FSTL5: variants seen among roughly 807,000 people sequenced by gnomAD.
FSTL5 encodes the protein follistatin like 5.
Under a neutral mutation model 89.1 loss-of-function variants are expected in FSTL5, and 62 were observed. The observed-to-expected ratio is 0.70, with a 90% CI of 0.57 to 0.86. The LOEUF is 0.86. Ranked by LOEUF, FSTL5 falls within the 40% of genes least tolerant of loss-of-function variation. The pLI is 0.00. For synonymous variants in FSTL5, 383 were observed against 346.2 expected, an observed-to-expected ratio of 1.11 and a Z score of -1.18; for missense variants, 1,057 against 1,001.6, an observed-to-expected ratio of 1.06 and a Z score of -0.75.
At chr4:162,138,804 C>G (rs1732614531) in intron 1 of FSTL5, among the ~76,000 whole-genome samples, 1 of 151,978 alleles carries the variant, frequency 6.6e-6, no homozygotes. Flanking sequence ...TGACATGCAA[C>G]ACAAAATCGA....
At chr4:161,962,640 A>G (rs1355562060) in intron 3 of FSTL5, among the ~76,000 whole-genome samples, 1 of 151,724 alleles carries the variant, frequency 6.6e-6, no homozygotes, top group Non-Finnish European at 1.5e-5. Context: ...TACTATCTTT[A>G]GTGTTGATCT....
chr4:162,150,019 G>C (rs996691183), intron 1 of FSTL5, among the ~76,000 whole-genome samples: 2 of 151,884 alleles, frequency 1.3e-5, no homozygotes, highest in African/African-American at 4.8e-5. Context: ...GGTGCTTTTG[G>C]TTTTTGCTAA....
chr4:161,712,666 C>T (rs1022552764), intron 6 of FSTL5, among the ~76,000 whole-genome samples: 13 of 152,088 alleles, frequency 8.5e-5, no homozygotes, highest in South Asian at 2.1e-4. Flanking sequence ...GTTTGGCTCA[C>T]GGGGGCAGGT....
intron 2 of FSTL5, among the ~76,000 whole-genome samples, chr4:162,045,613 A>G (rs76520547): frequency 0.07 from 10,686 of 152,248 alleles, 498 homozygotes; most frequent in East Asian, 0.16. Context: ...AAAATGTGAC[A>G]CAGTGATATA....
chr4:161,735,233 T>C (rs1363246560), intron 6 of FSTL5, among the ~76,000 whole-genome samples: 2 of 152,178 alleles, frequency 1.3e-5, no homozygotes, highest in Non-Finnish European at 2.9e-5. Flanking sequence ...GATGAAGAGA[T>C]GCATAGGGTG....
At chr4:161,784,891 T>TTAAAAA (rs79037484) in intron 4 of FSTL5, among the ~76,000 whole-genome samples, 1 of 864 alleles carries the variant, frequency 1.2e-3, no homozygotes, top group Non-Finnish European at 4.5e-3. Flanking sequence ...AGACTCCGTC[T>TTAAAAA]CAAAAAAAAC....
chr4:161,803,805 G>T (rs181749781), intron 4 of FSTL5, among the ~76,000 whole-genome samples: 161 of 152,144 alleles, frequency 1.1e-3, no homozygotes, highest in African/African-American at 3.2e-3. Context: ...TGTATTATCT[G>T]ATAGTTTCTC....
chr4:161,726,528 A>T (rs1739422460), intron 6 of FSTL5, among the ~76,000 whole-genome samples: 1 of 152,110 alleles, frequency 6.6e-6, no homozygotes, highest in Non-Finnish European at 1.5e-5. Flanking sequence ...GCGCCTGGAC[A>T]GGATGCAACT....
intron 4 of FSTL5, among the ~76,000 whole-genome samples, chr4:161,781,989 C>A (rs941323132): frequency 2.0e-5 from 3 of 152,228 alleles, no homozygotes; most frequent in Non-Finnish European, 4.4e-5. Flanking sequence ...TGGAATCATA[C>A]AGCATGTAGA....
chr4:161,785,269 T>G (rs922387850), intron 4 of FSTL5, among the ~76,000 whole-genome samples: 85 of 152,186 alleles, frequency 5.6e-4, no homozygotes, highest in African/African-American at 2.0e-3. Flanking sequence ...TTTACTGTTA[T>G]TTTTTCTGCA....
intron 7 of FSTL5, among the ~76,000 whole-genome samples, chr4:161,594,411 G>A (rs1733935143): frequency 6.6e-6 from 1 of 151,862 alleles, no homozygotes; most frequent in Non-Finnish European, 1.5e-5. Context: ...GTTCTATGTA[G>A]CTACCTAGAG....
intron 6 of FSTL5, among the ~76,000 whole-genome samples, chr4:161,676,911 T>C (rs899903969): frequency 2.0e-5 from 3 of 151,958 alleles, no homozygotes; most frequent in African/African-American, 7.2e-5. Flanking sequence ...ATTTCAACAT[T>C]AGACATTTAA....
chr4:161,831,168 T>C (rs1415841175), intron 4 of FSTL5, among the ~76,000 whole-genome samples: 3 of 151,992 alleles, frequency 2.0e-5, no homozygotes, highest in African/African-American at 7.2e-5. Flanking sequence ...TCTTCCACTA[T>C]AGTAACCATT....
intron 6 of FSTL5, among the ~76,000 whole-genome samples, chr4:161,662,141 C>T (rs535071090): frequency 3.3e-5 from 5 of 152,148 alleles, no homozygotes; most frequent in South Asian, 4.1e-4. Context: ...TAAGGTGCCA[C>T]GATCTGAAAC....
chr4:161,540,036 A>G (rs1731765183), intron 9 of FSTL5, among the ~76,000 whole-genome samples: 1 of 151,280 alleles, frequency 6.6e-6, no homozygotes, highest in Non-Finnish European at 1.5e-5. Flanking sequence ...CCTAACCTAT[A>G]TGTCCCATTG....
chr4:162,030,425 G>C (rs74338004), intron 3 of FSTL5, among the ~76,000 whole-genome samples: 14,895 of 152,136 alleles, frequency 0.098, 854 homozygotes, highest in Non-Finnish European at 0.13. Context: ...AACTTTAGAG[G>C]TCAGTGTCTC....
At position 162,149,567 on chromosome 4, in the gene FSTL5, C is replaced by A. The variant is rs931132507; in HGVS notation, c.-17+14048G>T. On this transcript the variant is annotated intron_variant, in intron 1 of 15. Coordinates refer to ENST00000306100, the MANE Select transcript of FSTL5 (RefSeq NM_020116.5). The stretch of plus-strand genomic sequence containing the variant: ...AATGTGCATCATCCCCCACAAAGAT[C>A]GCTAGAGCCCAGTAGGTGGAGGCTG... Among the ~76,000 whole-genome samples the A allele has an allele frequency of 6.6e-5, 10 of 152,006 alleles. No homozygotes were observed. In the South Asian group the frequency reaches 1.0e-3, roughly 16 times the overall value.
chr4:161,819,599 T>C (rs1478439322), intron 4 of FSTL5, among the ~76,000 whole-genome samples: 1 of 152,084 alleles, frequency 6.6e-6, no homozygotes, highest in Admixed American at 6.5e-5. Context: ...TGATATACTA[T>C]AACTAATTTT....
intron 10 of FSTL5, among the ~76,000 whole-genome samples, chr4:161,519,194 G>A (rs1440068478): frequency 6.6e-6 from 1 of 152,316 alleles, no homozygotes; most frequent in Non-Finnish European, 1.5e-5. Flanking sequence ...TTGCAAGGGT[G>A]TGTATTGCAA....
Sources: gnomAD v4.1 joint callset for allele counts (sites outside exome capture counted in the v4.1 genomes callset) on GRCh38, gnomAD v4.1.1 for gene constraint, MANE v1.5 for transcripts, NCBI Gene and HGNC (gene_info 2026-07-23, HGNC 2026-07-21) for gene names.